The following USP10 variants were observed in gnomAD, a reference collection of about 807,000 sequenced individuals.
The protein encoded by USP10 is ubiquitin carboxyl-terminal hydrolase 10.
USP10 carries 22 observed loss-of-function variants against 84.5 expected under a neutral mutation model. The observed-to-expected ratio is 0.26, with a 90% CI of 0.19 to 0.37. USP10 has a LOEUF of 0.37. Among genes scored for constraint, USP10 ranks in the 10% least tolerant of loss-of-function variants. USP10 has a pLI of 1.00. For synonymous variants in USP10, 454 were observed against 387.6 expected (o/e 1.17, Z -2.01); for missense variants, 1,019 against 998.9 (o/e 1.02, Z -0.27).
intron 1 of USP10, among the ~76,000 whole-genome samples, chr16:84,710,958 T>G (rs1181198333): frequency 6.6e-6 from 1 of 152,180 alleles, no homozygotes; most frequent in Admixed American, 6.5e-5. Flanking sequence ...AAGTGTTACA[T>G]CTCCAGTCTA....
intron 1 of USP10, among the ~76,000 whole-genome samples, chr16:84,726,937 C>G (rs1821800120): frequency 6.6e-6 from 1 of 152,244 alleles, no homozygotes; most frequent in African/African-American, 2.4e-5. Flanking sequence ...AGTGTTCTGA[C>G]TCTGGCAGAG....
chr16:84,702,443 C>T (rs1386783953), intron 1 of USP10, among the ~76,000 whole-genome samples: 1 of 152,144 alleles, frequency 6.6e-6, no homozygotes, highest in Non-Finnish European at 1.5e-5. Context: ...TTACTGGTTC[C>T]TGCTCCAGTC....
intron 13 of USP10, 24 bp downstream of exon 13, chr16:84,775,249 C>T: frequency 2.5e-6 from 4 of 1,609,030 alleles, no homozygotes; most frequent in East Asian, 2.2e-5. Context: ...TACGACATTA[C>T]TTCTTCATTA....
intron 4 of USP10, among the ~76,000 whole-genome samples, chr16:84,757,554 A>G (rs1044272925): frequency 9.2e-5 from 14 of 152,076 alleles, no homozygotes; most frequent in Non-Finnish European, 4.4e-5. Context: ...GATGCCTTAG[A>G]TGGATGCTAC....
At chr16:84,757,693 A>G (rs1345975960) in intron 4 of USP10, among the ~76,000 whole-genome samples, 1 of 152,046 alleles carries the variant, frequency 6.6e-6, no homozygotes, top group African/African-American at 2.4e-5. Flanking sequence ...TGTGGGTTAT[A>G]TGATTAGTAT....
At chr16:84,733,644 C>G (rs957931619) in intron 2 of USP10, 141 bp downstream of exon 2, 16 of 542,916 alleles carry the variant, frequency 2.9e-5, no homozygotes, top group Non-Finnish European at 1.9e-5. Context: ...CTCAACCCAC[C>G]AACTAGATTT....
intron 13 of USP10, 24 bp from the exon 14 acceptor site, chr16:84,778,871 G>T (rs987110183): frequency 6.2e-7 from 1 of 1,605,036 alleles, no homozygotes; most frequent in Non-Finnish European, 8.5e-7. Context: ...TTCTCACTCT[G>T]CTGCCTGCTG....
intron 4 of USP10, among the ~76,000 whole-genome samples, chr16:84,757,395 GGGTGGGGGTGTGTGTGTGTGTGT>G (rs1285158628): frequency 9.1e-4 from 75 of 82,600 alleles, no homozygotes; most frequent in African/African-American, 3.2e-3. Flanking sequence ...GGAATGAGAG[GGGTGGGGGTGTGTGTGTGTGTGT>G]GTGTGTGTGT....
chr16:84,757,417 G>T (rs974013405), intron 4 of USP10, among the ~76,000 whole-genome samples: 5 of 150,664 alleles, frequency 3.3e-5, no homozygotes, highest in African/African-American at 1.2e-4. Context: ...GTGTGTGTGT[G>T]TGTGTGTGTG....
intron 1 of USP10, among the ~76,000 whole-genome samples, chr16:84,729,029 G>C (rs1908877809): frequency 6.6e-6 from 1 of 151,946 alleles, no homozygotes; most frequent in Non-Finnish European, 1.5e-5. Context: ...AACTCCTGAA[G>C]TCAAGTGATC....
At chr16:84,764,939 A>AAAAATATATATAT (rs370383030) in intron 10 of USP10, among the ~76,000 whole-genome samples, 71 of 132,260 alleles carry the variant, frequency 5.4e-4, no homozygotes, top group African/African-American at 1.5e-3. Flanking sequence ...GAGAAAAAAA[A>AAAAATATATATAT]ATATATATAT....
intron 1 of USP10, among the ~76,000 whole-genome samples, chr16:84,727,664 A>G (rs1423531149): frequency 6.6e-6 from 1 of 152,232 alleles, no homozygotes; most frequent in Non-Finnish European, 1.5e-5. Flanking sequence ...TCATACGGAT[A>G]CACATACAGA....
chr16:84,744,121 T>C (rs74754154), intron 3 of USP10, among the ~76,000 whole-genome samples: 3,944 of 152,236 alleles, frequency 0.026, 168 homozygotes, highest in African/African-American at 0.09. Context: ...TACTTTCTAA[T>C]TTCTCCTATC....
chr16:84,720,288 C>T (rs1231409597), intron 1 of USP10, among the ~76,000 whole-genome samples: 1 of 152,176 alleles, frequency 6.6e-6, no homozygotes, highest in East Asian at 1.9e-4. Context: ...TTCTGTTGGT[C>T]CGGTTCCAGC....
At chr16:84,728,400 T>C (rs12933675) in intron 1 of USP10, among the ~76,000 whole-genome samples, 44,845 of 151,620 alleles carry the variant, frequency 0.3, 7,087 homozygotes, top group African/African-American at 0.43. Context: ...AGTTCAGTGG[T>C]GCGATCTCGG....
In USP10 at chr16:84,728,657, T is replaced by C. The variant is rs74250166; in HGVS notation, c.22-4778T>C. Among the ~76,000 whole-genome samples the C allele has an allele frequency of 3.5e-4, 53 of 152,268 alleles. 2 individuals are homozygous for C. The East Asian group carries it at 9.1e-3, about 26-fold the overall frequency. On this transcript the variant is annotated intron_variant, in intron 1 of 13. Transcript: ENST00000219473. ...TTTTGTAGTTTTATCAAAATTATAA[T>C]TTATGTCCGTCCACTCACTGGTATT... is the stretch of plus-strand genomic sequence containing the variant.
At chr16:84,764,945 T>C (rs1198086668) in intron 10 of USP10, among the ~76,000 whole-genome samples, 6 of 111,152 alleles carry the variant, frequency 5.4e-5, no homozygotes, top group African/African-American at 2.0e-4. Flanking sequence ...AAAAAATATA[T>C]ATATATATAT....
At chr16:84,778,267 G>A (rs1388892573) in intron 13 of USP10, among the ~76,000 whole-genome samples, 1 of 152,152 alleles carries the variant, frequency 6.6e-6, no homozygotes, top group African/African-American at 2.4e-5. Flanking sequence ...ATGTGGGCCG[G>A]CACCGGGAGA....
At chr16:84,766,930 C>G (rs79965215) in intron 10 of USP10, among the ~76,000 whole-genome samples, 6,603 of 152,130 alleles carry the variant, frequency 0.043, 199 homozygotes, top group Non-Finnish European at 0.061. Flanking sequence ...TTCAGTTTCC[C>G]CAGGAAGACT....
Sources: gnomAD v4.1 joint callset for allele counts (sites outside exome capture counted in the v4.1 genomes callset) on GRCh38, gnomAD v4.1.1 for gene constraint, MANE v1.5 for transcripts, NCBI Gene and HGNC (gene_info 2026-07-23, HGNC 2026-07-21) for gene names.